The following NRXN3 variants were observed in gnomAD, a reference collection of about 807,000 sequenced individuals.
NRXN3 encodes the protein neurexin 3.
In NRXN3, 32 loss-of-function variants were observed where a neutral mutation model predicts 137.6. That is an observed-to-expected ratio of 0.23 (90% CI 0.18 to 0.31). NRXN3 has a LOEUF of 0.31. Among genes scored for constraint, NRXN3 ranks in the 10% least tolerant of loss-of-function variants. NRXN3 has a pLI of 1.00. For synonymous variants in NRXN3, 798 were observed against 784.5 expected (o/e 1.02, Z -0.29); for missense variants, 1,574 against 2,062.5 (o/e 0.76, Z 4.59).
chr14:79,126,627 A>T (rs1005734909), intron 15 of NRXN3, among the ~76,000 whole-genome samples: 56 of 152,212 alleles, frequency 3.7e-4, no homozygotes, highest in South Asian at 1.0e-3. Flanking sequence ...TAATGCCGCA[A>T]TAAACATACG....
At chr14:79,849,795 T>C (rs2099387950) in intron 20 of NRXN3, among the ~76,000 whole-genome samples, 1 of 152,204 alleles carries the variant, frequency 6.6e-6, no homozygotes, top group Non-Finnish European at 1.5e-5. Flanking sequence ...TAGAGGTATC[T>C]GCACTCCATG....
At chr14:78,475,758 T>C (rs900292786) in intron 4 of NRXN3, among the ~76,000 whole-genome samples, 3 of 152,148 alleles carry the variant, frequency 2.0e-5, no homozygotes, top group Non-Finnish European at 4.4e-5. Context: ...GAAGAGGACA[T>C]TTGATGGCAA....
At chr14:79,088,167 T>C (rs1414330973) in intron 15 of NRXN3, among the ~76,000 whole-genome samples, 9 of 150,048 alleles carry the variant, frequency 6.0e-5, no homozygotes, top group Non-Finnish European at 1.2e-4. Context: ...TCTGTTGCAA[T>C]GTTTCAGATA....
intron 16 of NRXN3, among the ~76,000 whole-genome samples, chr14:79,526,835 G>C (rs2097124865): frequency 6.6e-6 from 1 of 152,152 alleles, no homozygotes; most frequent in Non-Finnish European, 1.5e-5. Flanking sequence ...TATCTACTAG[G>C]TGTGTGTGTT....
intron 15 of NRXN3, among the ~76,000 whole-genome samples, chr14:79,256,033 C>T (rs2076523725): frequency 6.6e-6 from 1 of 152,158 alleles, no homozygotes; most frequent in African/African-American, 2.4e-5. Flanking sequence ...CTCAGGATTG[C>T]TTCAGGGTGA....
chr14:79,448,777 G>A (rs2096113979), intron 15 of NRXN3, among the ~76,000 whole-genome samples: 1 of 152,118 alleles, frequency 6.6e-6, no homozygotes, highest in Non-Finnish European at 1.5e-5. Context: ...TCGTATACAT[G>A]CGTGTACATT....
At chr14:78,340,295 T>C (rs183666578) in intron 4 of NRXN3, among the ~76,000 whole-genome samples, 1 of 152,226 alleles carries the variant, frequency 6.6e-6, no homozygotes, top group Non-Finnish European at 1.5e-5. Flanking sequence ...TCTCCGAAGA[T>C]GTATGTTTCC....
At chr14:78,393,864 A>G (rs773350438) in intron 4 of NRXN3, among the ~76,000 whole-genome samples, 11 of 152,018 alleles carry the variant, frequency 7.2e-5, no homozygotes, top group Non-Finnish European at 1.5e-4. Context: ...TTGAGCAATC[A>G]TAAGTAGTAT....
At chr14:79,058,126 A>C (rs763395183) in intron 15 of NRXN3, among the ~76,000 whole-genome samples, 128 of 152,226 alleles carry the variant, frequency 8.4e-4, no homozygotes, top group Non-Finnish European at 9.3e-4. Context: ...GGAAGGGGTC[A>C]GTAGAGAGTT....
chr14:78,530,330 A>C (rs2096442959), intron 4 of NRXN3, among the ~76,000 whole-genome samples: 1 of 152,240 alleles, frequency 6.6e-6, no homozygotes, highest in South Asian at 2.1e-4. Flanking sequence ...AGTTTGGGAC[A>C]GGGCTCTCAG....
chr14:78,989,245 A>T (rs1480177683), intron 15 of NRXN3, among the ~76,000 whole-genome samples: 1 of 152,228 alleles, frequency 6.6e-6, no homozygotes, highest in African/African-American at 2.4e-5. Flanking sequence ...GTGTGACCAC[A>T]TGGGAGCAGA....
At chr14:78,368,717 C>T (rs1304374865) in intron 4 of NRXN3, among the ~76,000 whole-genome samples, 1 of 152,078 alleles carries the variant, frequency 6.6e-6, no homozygotes, top group Admixed American at 6.6e-5. Flanking sequence ...ACAACAAAAA[C>T]TGGAGATGTA....
At chr14:78,553,484 TC>T (rs1421296363) in intron 4 of NRXN3, among the ~76,000 whole-genome samples, 2 of 151,992 alleles carry the variant, frequency 1.3e-5, no homozygotes, top group Non-Finnish European at 2.9e-5. Flanking sequence ...AAAGCTTTGT[TC>T]CCCCCTGCCA....
chr14:78,825,196 C>CAAAAAAAA (rs11335474), intron 10 of NRXN3, among the ~76,000 whole-genome samples: 2 of 75,816 alleles, frequency 2.6e-5, no homozygotes, highest in African/African-American at 4.9e-5. Flanking sequence ...GACTCTGCCT[C>CAAAAAAAA]AAAAAAAAAA....
At position 78,517,115 on chromosome 14, in the gene NRXN3, G is replaced by GT. The variant is rs139323727; in HGVS notation, c.758-127999dup. Among the ~76,000 whole-genome samples the GT allele has an allele frequency of 8.5e-4, 129 of 152,136 alleles. 1 individual carries two copies. In the East Asian group the frequency reaches 0.022, roughly 26 times the overall value. ...TTTTTAGGCCATGTCCAAATCATTT[G>GT]TTTTTTCACTTTATTTTATTTGAAT... On this transcript the variant is annotated intron_variant, in intron 4 of 20. Coordinates refer to ENST00000335750, the MANE Select transcript of NRXN3 (RefSeq NM_001330195.2).
intron 8 of NRXN3, among the ~76,000 whole-genome samples, chr14:78,801,766 A>G (rs551803857): frequency 4.6e-5 from 7 of 152,306 alleles, no homozygotes; most frequent in African/African-American, 1.7e-4. Flanking sequence ...TACCTGTTCA[A>G]TATGATGCCA....
At chr14:79,810,847 T>G (rs532087879) in intron 20 of NRXN3, among the ~76,000 whole-genome samples, 115 of 152,326 alleles carry the variant, frequency 7.5e-4, no homozygotes, top group African/African-American at 2.6e-3. Context: ...ATAATAATTT[T>G]CCAGTGAAGG....
chr14:79,800,464 TC>T (rs1406103349), intron 19 of NRXN3, among the ~76,000 whole-genome samples: 2 of 152,230 alleles, frequency 1.3e-5, no homozygotes, highest in Non-Finnish European at 2.9e-5. Context: ...GATATCCATT[TC>T]TTTGCAGGCA....
rs73316375 is a variant in NRXN3 at position 78,180,863 on chromosome 14, G to T, written c.-704+10189G>T. Reference sequence around the variant, plus strand: ...GGGGTGTTTGTGGTGGTTGGAGCTGGGTGATGAGTATAAGTTCAAGCTGTA... The same window carrying T: ...GGGGTGTTTGTGGTGGTTGGAGCTGTGTGATGAGTATAAGTTCAAGCTGTA... On this transcript the variant is annotated intron_variant, in intron 1 of 20. Coordinates refer to ENST00000335750, the MANE Select transcript of NRXN3 (RefSeq NM_001330195.2). Among the ~76,000 whole-genome samples the T allele has an allele frequency of 8.5e-3, 1,291 of 152,260 alleles. 16 individuals carry two copies. Among genetic ancestry groups the T allele is most frequent in the African/African-American group, 0.028 (1,165 of 41,524 alleles).
Sources: gnomAD v4.1 joint callset for allele counts (sites outside exome capture counted in the v4.1 genomes callset) on GRCh38, gnomAD v4.1.1 for gene constraint, MANE v1.5 for transcripts, NCBI Gene and HGNC (gene_info 2026-07-23, HGNC 2026-07-21) for gene names.